The following SHCBP1L variants were observed in gnomAD, a reference collection of about 807,000 sequenced individuals.
The protein encoded by SHCBP1L is SHC binding and spindle associated 1 like, also known as testicular spindle-associated protein SHCBP1L.
Under a neutral mutation model 62.5 loss-of-function variants are expected in SHCBP1L, and 67 were observed. That is an observed-to-expected ratio of 1.07 (90% CI 0.88 to 1.31). The LOEUF is 1.31. SHCBP1L is among the 40% of genes most tolerant of loss of function. The probability of loss-of-function intolerance (pLI) is 0.00; values close to 1 mark genes in which losing one functional copy is unlikely to be tolerated. For missense variants in SHCBP1L, 823 were observed against 809.8 expected, an observed-to-expected ratio of 1.02 and a Z score of -0.20; for synonymous variants, 284 against 289.4, an observed-to-expected ratio of 0.98 and a Z score of 0.19.
intron 6 of SHCBP1L, among the ~76,000 whole-genome samples, chr1:182,924,782 AAGAAAGAGAG>A (rs1557996853): frequency 5.9e-5 from 6 of 101,354 alleles, no homozygotes; most frequent in Admixed American, 9.5e-5. Context: ...GAAAGAAAGA[AAGAAAGAGAG>A]AAAGAAAGGA....
chr1:182,930,952 C>A (rs1650980190), intron 5 of SHCBP1L, among the ~76,000 whole-genome samples: 2 of 147,522 alleles, frequency 1.4e-5, no homozygotes, highest in Non-Finnish European at 3.0e-5. Context: ...TCTTGAACTC[C>A]TGGCCTCAAG....
intron 6 of SHCBP1L, among the ~76,000 whole-genome samples, chr1:182,918,068 CTA>C (rs1179113265): frequency 2.0e-5 from 3 of 148,736 alleles, no homozygotes; most frequent in Middle Eastern, 3.5e-3. Flanking sequence ...CTCTCTCTCT[CTA>C]TATATATATG....
chr1:182,930,699 G>GTATATATATA (rs1484826938), intron 5 of SHCBP1L, among the ~76,000 whole-genome samples: 2 of 58,808 alleles, frequency 3.4e-5, no homozygotes, highest in African/African-American at 1.9e-4. Flanking sequence ...GTGTGTGTGT[G>GTATATATATA]TGTGTATATA....
intron 9 of SHCBP1L, among the ~76,000 whole-genome samples, chr1:182,902,107 C>T (rs1649861943): frequency 7.2e-6 from 1 of 138,970 alleles, no homozygotes; most frequent in African/African-American, 2.7e-5. Flanking sequence ...GTCACCCAGG[C>T]TGGAGTGCAG....
chr1:182,929,879 A>G (rs1404466929), intron 5 of SHCBP1L, 127 bp from the exon 6 acceptor site: 1 of 616,814 alleles, frequency 1.6e-6, no homozygotes, highest in Non-Finnish European at 2.7e-6. Context: ...AAGTTCCTTG[A>G]GAGCAATGAG....
chr1:182,946,778 G>T (rs920124835), intron 2 of SHCBP1L, among the ~76,000 whole-genome samples: 28 of 152,086 alleles, frequency 1.8e-4, no homozygotes, highest in Non-Finnish European at 3.1e-4. Flanking sequence ...GTCCTTTTAA[G>T]TCTATTTTCT....
chr1:182,929,890 C>A, intron 5 of SHCBP1L, 138 bp from the exon 6 acceptor site: 1 of 588,504 alleles, frequency 1.7e-6, no homozygotes, highest in East Asian at 3.2e-5. Context: ...GAGCAATGAG[C>A]AACTTGAGAG....
At position 182,952,890 on chromosome 1, in the gene SHCBP1L, C is replaced by T; in HGVS notation, c.244G>A (p.Gly82Arg). ...TCCGCCGCCGCCGCCGCCGCCTCTC[C>T]CGTGTCCTCGGCCTGAGCCGCGGGC... Reference protein sequence around the residue: ...RLPAAQAEDTGEAAAAAAEEP... With the variant: ...RLPAAQAEDTREAAAAAAEEP... The change falls in exon 1 of 10, where the codon GGA becomes AGA. Residue 82 changes from glycine (G) to arginine (R), a missense_variant. Gly to Arg is a moderately radical substitution (Grantham distance 125). Coordinates refer to ENST00000367547, the MANE Select transcript of SHCBP1L (RefSeq NM_030933.4). 1 of 1,592,104 alleles carries T rather than the reference C, an allele frequency of 6.3e-7. No individual in the cohort carries two copies. Among genetic ancestry groups the T allele is most frequent in the Non-Finnish European group, 8.5e-7 (1 of 1,170,280 alleles).
intron 6 of SHCBP1L, among the ~76,000 whole-genome samples, chr1:182,910,271 G>C (rs942837734): frequency 1.3e-5 from 2 of 152,184 alleles, no homozygotes; most frequent in Admixed American, 1.3e-4. Flanking sequence ...GTAAACAAGT[G>C]TGGCATTTTT....
In SHCBP1L at chr1:182,929,266, C is replaced by T. The variant is rs565775255; in HGVS notation, c.1182+381G>A. Among the ~76,000 whole-genome samples the T allele has an allele frequency of 1.1e-4, 17 of 152,284 alleles. 1 individual carries two copies. In the South Asian group the frequency reaches 3.3e-3, roughly 30 times the overall value. On this transcript the variant is annotated intron_variant, in intron 6 of 9. Coordinates refer to ENST00000367547, the MANE Select transcript of SHCBP1L (RefSeq NM_030933.4). The stretch of plus-strand genomic sequence containing the variant: ...TACCGGGTACATATCCTTATCATAG[C>T]ATTTATCATTCTGTGTCATAATTGT...
chr1:182,915,665 C>T (rs950542034), intron 6 of SHCBP1L, among the ~76,000 whole-genome samples: 1 of 152,124 alleles, frequency 6.6e-6, no homozygotes. Context: ...ATGGAACATT[C>T]TCCAAGATAT....
intron 2 of SHCBP1L, among the ~76,000 whole-genome samples, chr1:182,951,065 A>G (rs1259793913): frequency 2.0e-5 from 3 of 152,138 alleles, no homozygotes; most frequent in Non-Finnish European, 4.4e-5. Context: ...CATTTTTGTT[A>G]TTTTTACATT....
At chr1:182,915,293 A>G (rs1393661071) in intron 6 of SHCBP1L, among the ~76,000 whole-genome samples, 3 of 151,712 alleles carry the variant, frequency 2.0e-5, no homozygotes, top group Non-Finnish European at 2.9e-5. Flanking sequence ...TGGGGTGGCT[A>G]CACTAACATT....
In SHCBP1L at chr1:182,899,921, T is replaced by C; in HGVS notation, c.*62A>G. 7.3e-7 allele frequency: 1 copy of C among 1,375,676 alleles called. No homozygotes were observed. The highest frequency in any genetic ancestry group is 1.7e-5 in the South Asian group (1 of 60,122). The allele number at this position is 1,375,676 out of a possible 1,614,324, so 85.2% of individuals were successfully genotyped here. On this transcript the variant is annotated 3_prime_UTR_variant, in exon 10 of 10. Transcript: ENST00000367547. ...AATTGAAACTACCATTTCAGTGGGG[T>C]ATGAGAATCATGTATTAAACAAATT...
At position 182,939,369 on chromosome 1, in the gene SHCBP1L, T is replaced by C. The variant is rs140080396; in HGVS notation, c.883A>G (p.Ile295Val). 5.3e-5 allele frequency: 85 copies of C among 1,613,878 alleles called. No individual in the cohort carries two copies. Among genetic ancestry groups the C allele is most frequent in the Non-Finnish European group, 6.8e-5 (80 of 1,179,940 alleles). ...AAACGTTGTGCGATAGGACCAGGTA[T>C]TGTTCCATCCTGTATATCACACCAC... ...NLWCDIQDGT[I>V]PGPIAQRFKK... The change falls in exon 5 of 10, where the codon ATA becomes GTA. Residue 295 changes from isoleucine to valine, a missense_variant. Transcript: ENST00000367547.
In SHCBP1L at chr1:182,953,159, C is replaced by T. The variant is rs771411526; in HGVS notation, c.-26G>A. 13 of 1,570,188 alleles carry T rather than the reference C, an allele frequency of 8.3e-6. No individual in the cohort carries two copies. The highest frequency in any genetic ancestry group is 1.8e-5 in the Admixed American group (1 of 56,582). On this transcript the variant is annotated 5_prime_UTR_variant, in exon 1 of 10. Transcript: ENST00000367547. The stretch of plus-strand genomic sequence containing the variant: ...CTCCTCAGCAGCCCGAGGGCCGAGG[C>T]AGCCGTTGGCCACTTTTCCCGCCCT...
intron 5 of SHCBP1L, among the ~76,000 whole-genome samples, chr1:182,933,140 G>C (rs1408037883): frequency 1.3e-5 from 2 of 152,136 alleles, no homozygotes; most frequent in East Asian, 3.9e-4. Flanking sequence ...TCCTGACCTT[G>C]TGATCTGCCT....
chr1:182,931,239 A>T (rs1391437482), intron 5 of SHCBP1L, among the ~76,000 whole-genome samples: 2 of 151,362 alleles, frequency 1.3e-5, no homozygotes, highest in African/African-American at 4.9e-5. Flanking sequence ...ACAGGGAACC[A>T]TTCATACACT....
At position 182,952,789 on chromosome 1, in the gene SHCBP1L, CCTCATACGGGACA is replaced by C; in HGVS notation, c.332_344del (p.Val111GlyfsTer37). The C allele has an allele frequency of 6.2e-7, 1 of 1,612,788 alleles. No homozygotes were observed. The highest frequency in any genetic ancestry group is 8.5e-7 in the Non-Finnish European group (1 of 1,179,524). ...ACACCTTCTCGTCCCGCCACATCCC[CCTCATACGGGACA>C]CGCAGACTGGGGGCAGGGGCTGCGC... On this transcript the variant is annotated frameshift_variant, in exon 1 of 10. Transcript: ENST00000367547. LOFTEE classifies it high-confidence loss of function.
Sources: gnomAD v4.1 joint callset for allele counts (sites outside exome capture counted in the v4.1 genomes callset) on GRCh38, gnomAD v4.1.1 for gene constraint, MANE v1.5 for transcripts, NCBI Gene and HGNC (gene_info 2026-07-23, HGNC 2026-07-21) for gene names.